KCTD3: variants seen among roughly 807,000 people sequenced by gnomAD.
The protein encoded by KCTD3 is BTB/POZ domain-containing protein KCTD3.
Under a neutral mutation model 85.8 loss-of-function variants are expected in KCTD3, and 41 were observed. That is an observed-to-expected ratio of 0.48 (90% CI 0.37 to 0.62). KCTD3 has a LOEUF of 0.62. Among genes scored for constraint, KCTD3 ranks in the 20% least tolerant of loss-of-function variants. The pLI, the probability that KCTD3 is intolerant of heterozygous loss-of-function variation, is 0.00. For missense variants in KCTD3, 724 were observed against 989.9 expected (o/e 0.73, Z 3.60); for synonymous variants, 338 against 345.4 (o/e 0.98, Z 0.24).
chr1:215,578,347 C>T (rs908425391), intron 6 of KCTD3, among the ~76,000 whole-genome samples: 1 of 152,164 alleles, frequency 6.6e-6, no homozygotes, highest in Non-Finnish European at 1.5e-5. Context: ...GTGTATACTA[C>T]ATGAAGACTA....
At chr1:215,578,131 A>G (rs1234373304) in intron 6 of KCTD3, 50 bp downstream of exon 6, 1 of 1,479,068 alleles carries the variant, frequency 6.8e-7, no homozygotes. Context: ...ATCATTAAGC[A>G]AGTACAAGCA....
At chr1:215,583,946 A>G (rs1659919748) in intron 8 of KCTD3, among the ~76,000 whole-genome samples, 1 of 152,244 alleles carries the variant, frequency 6.6e-6, no homozygotes, top group Non-Finnish European at 1.5e-5. Flanking sequence ...CAACAGCAGT[A>G]TATTCTACAA....
intron 8 of KCTD3, among the ~76,000 whole-genome samples, chr1:215,585,214 G>GTATTATTA (rs1659963359): frequency 6.6e-6 from 1 of 152,080 alleles, no homozygotes; most frequent in Non-Finnish European, 1.5e-5. Context: ...GTGTTTATTA[G>GTATTATTA]GTAAGTATTT....
intron 4 of KCTD3, among the ~76,000 whole-genome samples, chr1:215,577,399 G>T (rs1245951502): frequency 6.6e-6 from 1 of 152,058 alleles, no homozygotes; most frequent in African/African-American, 2.4e-5. Context: ...TAGCCTGATA[G>T]AGCCCTAATC....
chr1:215,620,023 A>G (rs1250694964), intron 17 of KCTD3, 34 bp from the exon 18 acceptor site: 9 of 1,494,066 alleles, frequency 6.0e-6, no homozygotes, highest in Middle Eastern at 1.8e-4. Context: ...ACAGAGTGAA[A>G]TCTGAACTGT....
intron 4 of KCTD3, 47 bp downstream of exon 4, chr1:215,576,021 T>C: frequency 1.0e-6 from 1 of 958,248 alleles, no homozygotes; most frequent in South Asian, 1.5e-5. Context: ...GATAAATATG[T>C]GTTTTTAATA....
chr1:215,612,031 T>C (rs1358552145), intron 15 of KCTD3, 110 bp downstream of exon 15: 1 of 701,092 alleles, frequency 1.4e-6, no homozygotes, highest in Non-Finnish European at 2.5e-6. Context: ...AACAAATTGT[T>C]GGGACAGAAG....
Position 215,599,033 on chromosome 1 carries a change from G to C in KCTD3, c.934-2834G>C, listed in dbSNP as rs144420811. Among the ~76,000 whole-genome samples the C allele has an allele frequency of 2.9e-3, 445 of 152,294 alleles. 3 individuals carry two copies. The Middle Eastern group carries it at 0.044, about 15-fold the overall frequency. On this transcript the variant is annotated intron_variant, in intron 10 of 17. Coordinates refer to ENST00000259154, the MANE Select transcript of KCTD3 (RefSeq NM_016121.5). ...AAAAAGTATTCATAGAATAGTGACA[G>C]TTTGCCTGTCATTAGACTTTGATCA...
chr1:215,578,737 A>G (rs1413838906), intron 6 of KCTD3, among the ~76,000 whole-genome samples: 1 of 152,218 alleles, frequency 6.6e-6, no homozygotes, highest in Non-Finnish European at 1.5e-5. Flanking sequence ...ATTACCCATT[A>G]ATTCAGTAAC....
chr1:215,569,593 CTT>C (rs754210465), intron 1 of KCTD3, among the ~76,000 whole-genome samples: 17 of 130,486 alleles, frequency 1.3e-4, no homozygotes, highest in South Asian at 2.5e-4. Context: ...GGCACTGTAA[CTT>C]TTTTTTTTTT....
chr1:215,602,863 G>T (rs1190527852), intron 12 of KCTD3, among the ~76,000 whole-genome samples: 16 of 152,132 alleles, frequency 1.1e-4, no homozygotes, highest in Admixed American at 1.0e-3. Context: ...GTTATTAAAA[G>T]AAACCATAAT....
intron 10 of KCTD3, among the ~76,000 whole-genome samples, chr1:215,600,120 A>C (rs3753836): frequency 6.6e-6 from 1 of 152,122 alleles, no homozygotes; most frequent in East Asian, 1.9e-4. Flanking sequence ...AAAAGTACTC[A>C]ATGTTTTCCT....
chr1:215,577,857 C>A, intron 5 of KCTD3, 129 bp downstream of exon 5: 2 of 1,366,768 alleles, frequency 1.5e-6, no homozygotes, highest in Non-Finnish European at 2.0e-6. Flanking sequence ...TGTGGATTTT[C>A]ATAGTAAAAA....
chr1:215,575,691 G>A (rs1174743474), intron 3 of KCTD3, among the ~76,000 whole-genome samples: 1 of 151,946 alleles, frequency 6.6e-6, no homozygotes, highest in African/African-American at 2.4e-5. Flanking sequence ...CTATTCAGAG[G>A]AAGAAAAAGA....
intron 15 of KCTD3, among the ~76,000 whole-genome samples, chr1:215,614,019 T>TG (rs1655333286): frequency 1.9e-5 from 2 of 102,744 alleles, no homozygotes; most frequent in African/African-American, 8.5e-5. Flanking sequence ...TTTAGAATAG[T>TG]TTTTTTTTTT....
rs2102592807 is a variant in KCTD3 at position 215,604,123 on chromosome 1, T to TAAA, written c.1139-9_1139-8insAAA. 5 of 1,595,064 alleles carry TAAA rather than the reference T, an allele frequency of 3.1e-6. No individual in the cohort carries two copies. The Middle Eastern group carries it at 8.4e-4, about 269-fold the overall frequency. On this transcript the variant is annotated splice_polypyrimidine_tract_variant and intron_variant, in intron 12 of 17. Transcript: ENST00000259154. ...AATGTATCACCTGTCAACTCTTGAC[T>TAAA]TTATATAGGTGTCAGTGGTAACTGG...
intron 4 of KCTD3, 118 bp downstream of exon 4, chr1:215,576,092 G>T (rs1036995815): frequency 2.2e-5 from 14 of 631,682 alleles, no homozygotes; most frequent in Admixed American, 6.7e-5. Flanking sequence ...TTGCAGTCTT[G>T]CTCTGTTGCC....
chr1:215,576,353 G>A (rs1047409177), intron 4 of KCTD3, among the ~76,000 whole-genome samples: 6 of 151,632 alleles, frequency 4.0e-5, no homozygotes, highest in Admixed American at 2.6e-4. Context: ...ACAGGAATGA[G>A]CCACTACGCC....
At chr1:215,617,512 A>G (rs1655498509) in intron 15 of KCTD3, among the ~76,000 whole-genome samples, 1 of 152,092 alleles carries the variant, frequency 6.6e-6, no homozygotes, top group Non-Finnish European at 1.5e-5. Context: ...CCATTTGGTC[A>G]CAGAACCCTT....
Sources: gnomAD v4.1 joint callset for allele counts (sites outside exome capture counted in the v4.1 genomes callset) on GRCh38, gnomAD v4.1.1 for gene constraint, MANE v1.5 for transcripts, NCBI Gene and HGNC (gene_info 2026-07-23, HGNC 2026-07-21) for gene names.